Variants in GATB observed in about 807,000 individuals in gnomAD.
GATB encodes glutamyl-tRNA amidotransferase subunit B.
GATB carries 39 observed loss-of-function variants against 62.3 expected under a neutral mutation model. The ratio of observed to expected loss-of-function variants is 0.63; its 90% CI spans 0.48 to 0.82. The LOEUF (loss-of-function observed/expected upper bound fraction) is 0.82, where lower values mean the gene tolerates loss of function less well. Ranked by LOEUF, GATB falls within the 40% of genes least tolerant of loss-of-function variation. The probability of loss-of-function intolerance (pLI) is 0.00; values close to 1 mark genes in which losing one functional copy is unlikely to be tolerated. For missense variants in GATB, 670 were observed against 684.0 expected (o/e 0.98, Z 0.23); for synonymous variants, 276 against 258.9 (o/e 1.07, Z -0.63).
intron 2 of GATB, among the ~76,000 whole-genome samples, chr4:151,747,122 A>G (rs976359229): frequency 2.6e-5 from 4 of 152,208 alleles, no homozygotes; most frequent in African/African-American, 9.7e-5. Context: ...TGCCTGCCAC[A>G]TGGTAAGCAC....
chr4:151,685,935 C>A (rs898710766), intron 10 of GATB, among the ~76,000 whole-genome samples: 1 of 152,142 alleles, frequency 6.6e-6, no homozygotes, highest in South Asian at 2.1e-4. Context: ...TGCTTGTAAT[C>A]TCAGCTACTC....
chr4:151,742,090 G>GTTTT (rs5862970), intron 2 of GATB, among the ~76,000 whole-genome samples: 3 of 136,324 alleles, frequency 2.2e-5, no homozygotes, highest in Admixed American at 7.3e-5. Flanking sequence ...GAGGGATATG[G>GTTTT]TTTTTTTTTT....
intron 9 of GATB, among the ~76,000 whole-genome samples, chr4:151,695,910 A>G (rs958378386): frequency 2.7e-5 from 4 of 147,640 alleles, no homozygotes; most frequent in Admixed American, 2.0e-4. Context: ...GGTGTGTGCC[A>G]CCATGCCCGG....
intron 9 of GATB, among the ~76,000 whole-genome samples, chr4:151,697,953 G>GTATGTATATATATATATA (rs1738511574): frequency 2.5e-5 from 1 of 40,610 alleles, no homozygotes; most frequent in Non-Finnish European, 4.1e-5. Flanking sequence ...GTGTGTGTGT[G>GTATGTATATATATATATA]TATATATATA....
chr4:151,738,767 C>T (rs116615015), intron 2 of GATB, among the ~76,000 whole-genome samples: 3,114 of 152,262 alleles, frequency 0.02, 45 homozygotes, highest in Middle Eastern at 0.037. Context: ...ATGTTTACAA[C>T]CAGCTATAAA....
At chr4:151,693,977 G>A (rs989832516) in intron 9 of GATB, among the ~76,000 whole-genome samples, 15 of 152,274 alleles carry the variant, frequency 9.9e-5, no homozygotes, top group African/African-American at 2.6e-4. Flanking sequence ...ACAGCAGACC[G>A]GCACTGCTAA....
At position 151,708,045 on chromosome 4, in the gene GATB, C is replaced by G; in HGVS notation, c.820G>C (p.Gly274Arg). The G allele has an allele frequency of 6.2e-7, 1 of 1,614,194 alleles. No individual in the cohort carries two copies. Among genetic ancestry groups the G allele is most frequent in the Non-Finnish European group, 8.5e-7 (1 of 1,180,010 alleles). ...ISVHHPGEPLGVRTEVKNLNS... is the reference protein window; with the variant it reads ...ISVHHPGEPLRVRTEVKNLNS... ...AGATTCTTCACTTCCGTTCGAACGC[C>G]CAAAGGCTCCCCAGGGTGATGCACG... is the stretch of plus-strand genomic sequence containing the variant. Residue 274 changes from glycine to arginine, a missense_variant, in exon 6 of 13, where the codon GGC (glycine) becomes CGC (arginine). Gly to Arg is a moderately radical substitution (Grantham distance 125). Transcript: ENST00000263985.
At chr4:151,695,179 C>T (rs1446524800) in intron 9 of GATB, among the ~76,000 whole-genome samples, 2 of 152,152 alleles carry the variant, frequency 1.3e-5, no homozygotes, top group Non-Finnish European at 2.9e-5. Context: ...ACTGTTTTAG[C>T]GCGTTGCTTG....
chr4:151,748,800 T>A (rs1485080736), intron 2 of GATB, among the ~76,000 whole-genome samples: 1 of 151,842 alleles, frequency 6.6e-6, no homozygotes, highest in African/African-American at 2.4e-5. Context: ...TACAAAGAAC[T>A]CAAACAAATT....
chr4:151,682,001 C>G (rs2126957032), intron 10 of GATB, among the ~76,000 whole-genome samples: 1 of 152,236 alleles, frequency 6.6e-6, no homozygotes, highest in South Asian at 2.1e-4. Flanking sequence ...GGGAGGATCC[C>G]AACATTCAGA....
intron 2 of GATB, chr4:151,722,832 G>T (rs1739056981): frequency 6.6e-6 from 1 of 152,342 alleles, no homozygotes; most frequent in Admixed American, 6.5e-5. Context: ...GAGCTCAAAG[G>T]AGGAGGGAGG....
chr4:151,705,187 CA>C lies in GATB; in HGVS notation c.959del (p.Leu320ArgfsTer7). The C allele has an allele frequency of 1.2e-6, 2 of 1,611,524 alleles. No homozygotes were observed. Among genetic ancestry groups the C allele is most frequent in the Non-Finnish European group, 1.7e-6 (2 of 1,177,688 alleles). On this transcript the variant is annotated frameshift_variant, in exon 7 of 13. Coordinates refer to ENST00000263985, the MANE Select transcript of GATB (RefSeq NM_004564.3). LOFTEE classifies it high-confidence loss of function. Reference sequence around the variant, plus strand: ...GACGCTCAGCAATGCGAACTCACCCCAGCTTGTGATGAAATGAGCGTGTTTC... The same window carrying C: ...GACGCTCAGCAATGCGAACTCACCCCGCTTGTGATGAAATGAGCGTGTTTC... ...LNETRSFHHKLGCTMSMRDKE... is the reference protein window; with the variant it reads ...LNETRSFHHKXGCTMSMRDKE...
chr4:151,740,256 G>A (rs1739457225), intron 2 of GATB, among the ~76,000 whole-genome samples: 1 of 152,146 alleles, frequency 6.6e-6, no homozygotes, highest in African/African-American at 2.4e-5. Context: ...ACTTACCAAT[G>A]GAGATATGTT....
At chr4:151,758,312 C>T (rs544068331) in intron 2 of GATB, among the ~76,000 whole-genome samples, 60 of 152,286 alleles carry the variant, frequency 3.9e-4, no homozygotes, top group African/African-American at 1.3e-3. Flanking sequence ...CCTTCCTTAA[C>T]CTAAAGTACC....
chr4:151,679,047 T>G (rs1157750486), intron 11 of GATB, among the ~76,000 whole-genome samples: 1 of 152,136 alleles, frequency 6.6e-6, no homozygotes, highest in Non-Finnish European at 1.5e-5. Context: ...AGGTGCCCGC[T>G]GCCACACTCA....
intron 2 of GATB, among the ~76,000 whole-genome samples, chr4:151,739,578 G>A (rs1739445542): frequency 1.3e-5 from 2 of 152,314 alleles, no homozygotes; most frequent in South Asian, 4.2e-4. Context: ...CAGATGACAA[G>A]TGCATCTACT....
At chr4:151,689,510 C>G (rs1738319493) in intron 9 of GATB, among the ~76,000 whole-genome samples, 1 of 152,152 alleles carries the variant, frequency 6.6e-6, no homozygotes, top group Non-Finnish European at 1.5e-5. Context: ...CACTTCTCCC[C>G]CTCTGAACTG....
chr4:151,744,122 A>C (rs1739549104), intron 2 of GATB, among the ~76,000 whole-genome samples: 1 of 152,246 alleles, frequency 6.6e-6, no homozygotes, highest in African/African-American at 2.4e-5. Flanking sequence ...TGTTGCTGAT[A>C]AGCTTGGGTA....
chr4:151,716,077 G>C lies in GATB; in HGVS notation c.695C>G (p.Ala232Gly), dbSNP rs150296974. 1.9e-6 allele frequency: 3 copies of C among 1,613,568 alleles called. No individual in the cohort carries two copies. The highest frequency in any genetic ancestry group is 2.5e-6 in the Non-Finnish European group (3 of 1,179,876). ...LEPDMSCGEEAATAVRELQLI... is the reference protein window; with the variant it reads ...LEPDMSCGEEGATAVRELQLI... ...CTGCAGCTCCCTGACAGCTGTTGCC[G>C]CCTCTTCTCCACAGGACATGTCGGG... The change falls in exon 5 of 13, where the codon GCG becomes GGG. Residue 232 changes from alanine (A) to glycine (G), a missense_variant. Transcript: ENST00000263985.
Sources: allele counts gnomAD v4.1 joint callset (sites outside exome capture counted in the v4.1 genomes callset), GRCh38; gene constraint gnomAD v4.1.1; transcripts MANE v1.5; gene names NCBI Gene and HGNC (gene_info 2026-07-23, HGNC 2026-07-21).